The following SH3RF2 variants were observed in gnomAD, a reference collection of about 807,000 sequenced individuals.
SH3RF2 encodes SH3 domain containing ring finger 2, also known as E3 ubiquitin-protein ligase SH3RF2.
In SH3RF2, 43 loss-of-function variants were observed where a neutral mutation model predicts 59.0. That is an observed-to-expected ratio of 0.73 (90% CI 0.57 to 0.94). The LOEUF is 0.94. SH3RF2 is among the 40% of genes least tolerant of loss of function. The pLI, the probability that SH3RF2 is intolerant of heterozygous loss-of-function variation, is 0.00. For missense variants in SH3RF2, 930 were observed against 940.1 expected (o/e 0.99, Z 0.14); for synonymous variants, 391 against 391.5 (o/e 1.00, Z 0.01).
rs145143831 is a variant in SH3RF2 at position 146,072,540 on chromosome 5, G to A, written c.*34-5920G>A. Among the ~76,000 whole-genome samples the A allele has an allele frequency of 7.5e-3, 1,142 of 152,018 alleles. 19 individuals carry two copies. Among genetic ancestry groups the A allele is most frequent in the African/African-American group, 0.026 (1,082 of 41,454 alleles). On this transcript the variant is annotated intron_variant, in intron 9 of 9. Transcript: ENST00000511217. ...ACAAAAATTAGCCAGACGTGGTGGC[G>A]GGCACCTGTAGTCCCAGCTACTTGG...
At chr5:145,961,040 A>G (rs1404797336) in intron 2 of SH3RF2, among the ~76,000 whole-genome samples, 1 of 152,224 alleles carries the variant, frequency 6.6e-6, no homozygotes, top group Non-Finnish European at 1.5e-5. Context: ...TTGCTAACAC[A>G]TACTCCTACA....
intron 5 of SH3RF2, among the ~76,000 whole-genome samples, chr5:146,041,163 C>T (rs1249214678): frequency 2.0e-5 from 3 of 152,208 alleles, no homozygotes; most frequent in African/African-American, 7.2e-5. Flanking sequence ...ATCTCAGTTT[C>T]TCCATCTATA....
At chr5:146,044,159 T>C (rs1004694416) in intron 5 of SH3RF2, among the ~76,000 whole-genome samples, 2 of 116,138 alleles carry the variant, frequency 1.7e-5, no homozygotes, top group South Asian at 5.0e-4. Flanking sequence ...GTTTTTTTTT[T>C]TTTGTTTTTA....
intron 2 of SH3RF2, among the ~76,000 whole-genome samples, chr5:145,944,897 C>T (rs1344749216): frequency 6.6e-6 from 1 of 152,156 alleles, no homozygotes; most frequent in East Asian, 1.9e-4. Flanking sequence ...TCACTATTGC[C>T]ACCCTCTGCA....
intron 2 of SH3RF2, among the ~76,000 whole-genome samples, chr5:145,999,651 A>G (rs370508454): frequency 2.0e-5 from 3 of 152,112 alleles, no homozygotes; most frequent in African/African-American, 7.2e-5. Context: ...GAGAGATGGG[A>G]AAATGACCAG....
chr5:146,032,720 A>G (rs1761784594), intron 5 of SH3RF2, among the ~76,000 whole-genome samples: 1 of 152,178 alleles, frequency 6.6e-6, no homozygotes, highest in African/African-American at 2.4e-5. Flanking sequence ...AAGTTAGACA[A>G]GTGTGCCCAT....
intron 2 of SH3RF2, among the ~76,000 whole-genome samples, chr5:145,974,354 C>G (rs1281269977): frequency 6.6e-6 from 1 of 152,054 alleles, no homozygotes; most frequent in Admixed American, 6.5e-5. Flanking sequence ...CAGATCCCAC[C>G]TATATTCAAG....
intron 2 of SH3RF2, among the ~76,000 whole-genome samples, chr5:145,994,831 G>A (rs1165876675): frequency 1.3e-5 from 2 of 152,132 alleles, no homozygotes; most frequent in African/African-American, 4.8e-5. Flanking sequence ...ATTAGAGAGT[G>A]CTTAGCAAAG....
exon 10 of SH3RF2, chr5:146,079,353 T>C (rs1373604006): frequency 1.3e-5 from 2 of 152,198 alleles, no homozygotes. Flanking sequence ...GCAAGAGACA[T>C]TGCTCACATA....
At chr5:145,947,458 T>C (rs1021021152) in intron 2 of SH3RF2, among the ~76,000 whole-genome samples, 4 of 152,220 alleles carry the variant, frequency 2.6e-5, no homozygotes, top group African/African-American at 9.7e-5. Flanking sequence ...TTTAATGAGA[T>C]GATGCCTATA....
intron 7 of SH3RF2, among the ~76,000 whole-genome samples, chr5:146,054,161 A>G (rs1454396481): frequency 2.0e-5 from 3 of 152,268 alleles, no homozygotes; most frequent in Admixed American, 6.5e-5. Flanking sequence ...AGAAAGTGCT[A>G]GATAAGTGCT....
chr5:146,076,268 C>T lies in SH3RF2; in HGVS notation c.*34-2192C>T, dbSNP rs368499688. ...TGCAGATGCTGTAATCTGGGAGGGG[C>T]ATTCTCACAGCTGCCGACACCAAGA... On this transcript the variant is annotated intron_variant, in intron 9 of 9. Transcript: ENST00000511217. Among the ~76,000 whole-genome samples the T allele has an allele frequency of 3.9e-5, 6 of 152,246 alleles. No homozygotes were observed. The East Asian group carries it at 9.7e-4, about 25-fold the overall frequency.
At chr5:145,940,118 T>C (rs965131023) in intron 2 of SH3RF2, among the ~76,000 whole-genome samples, 2 of 152,170 alleles carry the variant, frequency 1.3e-5, no homozygotes, top group African/African-American at 4.8e-5. Context: ...TGGAATTCTT[T>C]TGCAGGGACT....
chr5:145,944,330 C>A (rs980732931), intron 2 of SH3RF2, among the ~76,000 whole-genome samples: 3 of 148,408 alleles, frequency 2.0e-5, no homozygotes, highest in South Asian at 4.2e-4. Flanking sequence ...TACTCAATTT[C>A]TTTTCCCTTT....
At chr5:146,020,431 G>T (rs189444660) in intron 5 of SH3RF2, among the ~76,000 whole-genome samples, 81 of 152,184 alleles carry the variant, frequency 5.3e-4, no homozygotes, top group Non-Finnish European at 1.2e-4. Context: ...AATGTTTTTT[G>T]AATAAATAAT....
At chr5:145,953,442 G>A (rs887987817) in intron 2 of SH3RF2, among the ~76,000 whole-genome samples, 9 of 152,162 alleles carry the variant, frequency 5.9e-5, no homozygotes, top group Admixed American at 1.3e-4. Flanking sequence ...GCACTGAGGC[G>A]AGTGGCATGA....
chr5:145,960,099 G>C (rs184421464), intron 2 of SH3RF2, among the ~76,000 whole-genome samples: 1 of 152,288 alleles, frequency 6.6e-6, no homozygotes, highest in East Asian at 1.9e-4. Context: ...CTGTCACCCA[G>C]GCTGAAGTGC....
intron 5 of SH3RF2, among the ~76,000 whole-genome samples, chr5:146,031,297 G>T (rs1228734694): frequency 6.6e-6 from 1 of 152,186 alleles, no homozygotes; most frequent in Non-Finnish European, 1.5e-5. Flanking sequence ...TCCCTCCAGG[G>T]TTAAGCCCAG....
At chr5:146,022,504 C>T (rs755295407) in intron 5 of SH3RF2, among the ~76,000 whole-genome samples, 10 of 152,136 alleles carry the variant, frequency 6.6e-5, no homozygotes, top group African/African-American at 7.2e-5. Flanking sequence ...CATATCATTT[C>T]GTCCAGAAAA....
Sources: gnomAD v4.1 joint callset for allele counts (sites outside exome capture counted in the v4.1 genomes callset) on GRCh38, gnomAD v4.1.1 for gene constraint, MANE v1.5 for transcripts, NCBI Gene and HGNC (gene_info 2026-07-23, HGNC 2026-07-21) for gene names.